The following FHAD1 variants were observed in gnomAD, a reference collection of about 807,000 sequenced individuals.
The protein encoded by FHAD1 is forkhead-associated domain-containing protein 1.
In FHAD1, 146 loss-of-function variants were observed where a neutral mutation model predicts 191.3. That is an observed-to-expected ratio of 0.76 (90% CI 0.67 to 0.88). The LOEUF is 0.88. Ranked by LOEUF, FHAD1 falls within the 40% of genes least tolerant of loss-of-function variation. The pLI, the probability that FHAD1 is intolerant of heterozygous loss-of-function variation, is 0.00. For synonymous variants in FHAD1, 616 were observed against 672.3 expected, an observed-to-expected ratio of 0.92 and a Z score of 1.29; for missense variants, 1,635 against 1,785.8, an observed-to-expected ratio of 0.92 and a Z score of 1.52.
intron 33 of FHAD1, among the ~76,000 whole-genome samples, 182 bp downstream of exon 33, chr1:15,391,445 G>A (rs898801295): frequency 6.6e-6 from 1 of 152,158 alleles, no homozygotes; most frequent in East Asian, 1.9e-4. Flanking sequence ...TGCCTGCCTC[G>A]GCCTCCCAAA....
At chr1:15,362,474 C>T (rs1695120344) in intron 22 of FHAD1, among the ~76,000 whole-genome samples, 168 bp from the exon 23 acceptor site, 1 of 152,226 alleles carries the variant, frequency 6.6e-6, no homozygotes, top group African/African-American at 2.4e-5. Context: ...TGGCCACACA[C>T]TTGGGGAGAG....
In FHAD1 at chr1:15,284,701, G is replaced by A. The variant is rs141697206; in HGVS notation, c.301-4698G>A. 1.1e-4 allele frequency among the ~76,000 whole-genome samples: 16 copies of A among 152,184 alleles called. No homozygotes were observed. The East Asian group carries it at 3.1e-3, about 29-fold the overall frequency. On this transcript the variant is annotated intron_variant, in intron 3 of 33. Coordinates refer to ENST00000688493, the MANE Select transcript of FHAD1 (RefSeq NM_001391957.1). ...TTAGCGTAATAACACAAGAAACAAG[G>A]AGATCATCCGGAAACAATGGATTTG... is the stretch of plus-strand genomic sequence containing the variant.
intron 3 of FHAD1, among the ~76,000 whole-genome samples, chr1:15,284,865 TAAAC>T (rs887524412): frequency 2.3e-4 from 34 of 147,378 alleles, no homozygotes; most frequent in African/African-American, 8.3e-4. Flanking sequence ...GCCTCAAAAA[TAAAC>T]AAAGAAAAAA....
At chr1:15,357,144 G>A (rs1693066570) in intron 20 of FHAD1, among the ~76,000 whole-genome samples, 1 of 152,214 alleles carries the variant, frequency 6.6e-6, no homozygotes, top group Non-Finnish European at 1.5e-5. Flanking sequence ...ACATTCCTGA[G>A]TGAGTGTCTA....
intron 3 of FHAD1, among the ~76,000 whole-genome samples, chr1:15,277,711 G>A (rs1405996479): frequency 1.3e-5 from 2 of 152,172 alleles, no homozygotes; most frequent in South Asian, 2.1e-4. Flanking sequence ...GAAAGCCACC[G>A]ATGATAGAAG....
intron 14 of FHAD1, among the ~76,000 whole-genome samples, chr1:15,336,079 C>G (rs181715939): frequency 2.0e-5 from 3 of 152,284 alleles, no homozygotes; most frequent in Admixed American, 6.5e-5. Context: ...ACCTCTCCAA[C>G]GCACCAACCC....
Position 15,301,257 on chromosome 1 carries a change from A to G in FHAD1, c.731A>G (p.Glu244Gly). 1 of 1,551,778 alleles carries G rather than the reference A, an allele frequency of 6.4e-7. No homozygotes were observed. Among genetic ancestry groups the G allele is most frequent in the Non-Finnish European group, 8.7e-7 (1 of 1,147,008 alleles). The stretch of plus-strand genomic sequence containing the variant: ...GAGGTCAGCCGTCTCTCAGATTATG[A>G]AATTGAATCCAAATACAAAGACGTC... ...GKEVSRLSDYEIESKYKDVII... is the reference protein window; with the variant it reads ...GKEVSRLSDYGIESKYKDVII... The change falls in exon 6 of 34, where the codon GAA (glutamate) becomes GGA (glycine). Residue 244 changes from glutamate to glycine, a missense_variant. Transcript: ENST00000688493.
intron 31 of FHAD1, chr1:15,383,839 C>T (rs559046610): frequency 3.4e-5 from 15 of 442,812 alleles, no homozygotes; most frequent in East Asian, 1.4e-4. Context: ...AGTTAAGAGG[C>T]GCCCAAGTGC....
intron 2 of FHAD1, among the ~76,000 whole-genome samples, chr1:15,260,073 A>T (rs558191852): frequency 3.8e-4 from 58 of 152,182 alleles, no homozygotes; most frequent in Non-Finnish European, 7.8e-4. Context: ...TGAGCTGGGG[A>T]GAAATTGATT....
intron 6 of FHAD1, among the ~76,000 whole-genome samples, chr1:15,304,712 G>A (rs1669873120): frequency 6.6e-6 from 1 of 152,116 alleles, no homozygotes; most frequent in Non-Finnish European, 1.5e-5. Context: ...CCTTGGAGAG[G>A]GTTGGGACAT....
At chr1:15,293,240 C>G (rs1262193428) in intron 4 of FHAD1, among the ~76,000 whole-genome samples, 1 of 152,210 alleles carries the variant, frequency 6.6e-6, no homozygotes, top group Non-Finnish European at 1.5e-5. Context: ...CAGGTCCCTT[C>G]CAAGTCAGTT....
At chr1:15,336,754 G>A (rs1023100946) in intron 14 of FHAD1, among the ~76,000 whole-genome samples, 1 of 152,200 alleles carries the variant, frequency 6.6e-6, no homozygotes, top group Non-Finnish European at 1.5e-5. Context: ...TTTCTGCCAA[G>A]TAACTGACAC....
chr1:15,362,726 T>C lies in FHAD1; in HGVS notation c.3047T>C (p.Ile1016Thr), dbSNP rs1695203265. ...SAKDMAYEHL[I>T]DDLLAAQKEI... is the part of the protein sequence containing the mutation. ...AAAGACATGGCGTACGAACATCTGA[T>C]GTGAGTACCCGTGGGTGTGTGAGCG... Residue 1016 changes from isoleucine (I) to threonine (T), a missense_variant and splice_region_variant, in exon 23 of 34, where the codon ATA becomes ACA. Physicochemically the swap from Ile to Thr is moderately conservative, Grantham distance 89 (BLOSUM62 -1). Coordinates refer to ENST00000688493, the MANE Select transcript of FHAD1 (RefSeq NM_001391957.1). 6.4e-7 allele frequency: 1 copy of C among 1,551,184 alleles called. No individual in the cohort carries two copies.
intron 28 of FHAD1, among the ~76,000 whole-genome samples, chr1:15,378,336 C>G (rs1263518332): frequency 1.3e-5 from 2 of 152,170 alleles, no homozygotes; most frequent in Non-Finnish European, 2.9e-5. Context: ...TTCAGAAGGT[C>G]AAGCACTTCA....
chr1:15,360,480 C>G lies in FHAD1; in HGVS notation c.2739C>G (p.Ile913Met), dbSNP rs759178039. The G allele has an allele frequency of 4.5e-6, 7 of 1,550,934 alleles. No individual in the cohort carries two copies. The Admixed American group carries it at 1.4e-4, about 30-fold the overall frequency. Residue 913 changes from isoleucine to methionine, a missense_variant and splice_region_variant, in exon 22 of 34, where the codon ATC becomes ATG. Ile to Met is a conservative substitution (Grantham distance 10). Transcript: ENST00000688493. ...CTGAGTGACTCTCTGTTTCCCAGATCATGGTGGAAGAGCGGCTAATCCTGC... is the reference window on the plus strand; with the variant it reads ...CTGAGTGACTCTCTGTTTCCCAGATGATGGTGGAAGAGCGGCTAATCCTGC... ...AELETTKTKM[I>M]MVEERLILQQ...
At chr1:15,301,149 C>A in intron 5 of FHAD1, 56 bp from the exon 6 acceptor site, 1 of 1,482,172 alleles carries the variant, frequency 6.7e-7, no homozygotes, top group South Asian at 1.3e-5. Flanking sequence ...TTTTAATGGG[C>A]TCAGCCTCAC....
At chr1:15,328,215 G>C in intron 12 of FHAD1, 62 bp from the exon 13 acceptor site, 1 of 1,347,404 alleles carries the variant, frequency 7.4e-7, no homozygotes, top group Non-Finnish European at 9.8e-7. Context: ...CCTTCCCTCA[G>C]GGCCCCCCAC....
chr1:15,309,779 T>C (rs1372642133), intron 7 of FHAD1, among the ~76,000 whole-genome samples: 1 of 152,128 alleles, frequency 6.6e-6, no homozygotes, highest in Non-Finnish European at 1.5e-5. Flanking sequence ...AGCCAAAAGA[T>C]TGGACATCCC....
At chr1:15,291,872 C>T (rs1664885061) in intron 4 of FHAD1, among the ~76,000 whole-genome samples, 1 of 152,200 alleles carries the variant, frequency 6.6e-6, no homozygotes, top group African/African-American at 2.4e-5. Flanking sequence ...CCACTGCCAC[C>T]TCTCCTAGGC....
Sources: allele counts gnomAD v4.1 joint callset (sites outside exome capture counted in the v4.1 genomes callset), GRCh38; gene constraint gnomAD v4.1.1; transcripts MANE v1.5; gene names NCBI Gene and HGNC (gene_info 2026-07-23, HGNC 2026-07-21).